D2HGDH: variants seen among roughly 807,000 people sequenced by gnomAD.
D2HGDH encodes D-2-hydroxyglutarate dehydrogenase, also known as D-2-hydroxyglutarate dehydrogenase, mitochondrial.
D2HGDH carries 31 observed loss-of-function variants against 46.9 expected under a neutral mutation model. The observed-to-expected ratio is 0.66, with a 90% CI of 0.50 to 0.89. D2HGDH has a LOEUF of 0.89. Among genes scored for constraint, D2HGDH ranks in the 40% least tolerant of loss-of-function variants. The probability of loss-of-function intolerance (pLI) is 0.00; values close to 1 mark genes in which losing one functional copy is unlikely to be tolerated. For synonymous variants in D2HGDH, 364 were observed against 332.6 expected, an observed-to-expected ratio of 1.09 and a Z score of -1.03; for missense variants, 698 against 720.8, an observed-to-expected ratio of 0.97 and a Z score of 0.36.
At chr2:241,735,539 C>CGGCG in intron 2 of D2HGDH, 23 bp downstream of exon 2, 1 of 1,600,360 alleles carries the variant, frequency 6.2e-7, no homozygotes, top group Non-Finnish European at 8.5e-7. Context: ...TGGGAAGCTG[C>CGGCG]GGCGTTTCCG....
At chr2:241,752,911 A>C (rs1575296912) in intron 8 of D2HGDH, among the ~76,000 whole-genome samples, 1 of 49,742 alleles carries the variant, frequency 2.0e-5, no homozygotes, top group African/African-American at 7.9e-5. Context: ...CCATGCCCCC[A>C]GCCTCTGCAC....
In D2HGDH at chr2:241,735,353, C is replaced by G. The variant is rs754181299; in HGVS notation, c.129C>G (p.Pro43=). ...RRGCCSAPGT[P]EVPLTRERYP... Reference sequence around the variant, plus strand: ...GCTGCTGCTCCGCCCCGGGGACCCCCGAGGTGCCGCTGACCCGGGAGCGCT... The same window carrying G: ...GCTGCTGCTCCGCCCCGGGGACCCCGGAGGTGCCGCTGACCCGGGAGCGCT... The change falls in exon 2 of 10, where the codon CCC becomes CCG. Residue 43 remains proline, a synonymous_variant. Transcript: ENST00000321264. The G allele has an allele frequency of 1.3e-6, 2 of 1,560,938 alleles. No individual in the cohort carries two copies. Among genetic ancestry groups the G allele is most frequent in the Non-Finnish European group, 8.6e-7 (1 of 1,157,322 alleles).
chr2:241,753,469 G>A (rs182433875), intron 8 of D2HGDH, among the ~76,000 whole-genome samples: 1 of 152,176 alleles, frequency 6.6e-6, no homozygotes, highest in African/African-American at 2.4e-5. Flanking sequence ...CTGTTGTCCG[G>A]TGTTGGCGAG....
intron 2 of D2HGDH, among the ~76,000 whole-genome samples, chr2:241,738,868 G>A (rs1559345718): frequency 6.6e-6 from 1 of 152,242 alleles, no homozygotes; most frequent in African/African-American, 2.4e-5. Context: ...GTTTGCTGAT[G>A]TGAGGCTTAG....
intron 8 of D2HGDH, among the ~76,000 whole-genome samples, chr2:241,752,032 G>C (rs1041476037): frequency 6.7e-6 from 1 of 149,978 alleles, no homozygotes; most frequent in Non-Finnish European, 1.5e-5. Flanking sequence ...ACCGGGACCT[G>C]GGTGGGAGGA....
At chr2:241,767,689 C>A in intron 9 of D2HGDH, 21 bp from the exon 10 acceptor site, 1 of 1,612,302 alleles carries the variant, frequency 6.2e-7, no homozygotes, top group South Asian at 1.1e-5. Context: ...CAGCCTGACC[C>A]ATGTGCCCTT....
intron 6 of D2HGDH, chr2:241,749,443 C>T (rs921400982): frequency 1.1e-5 from 13 of 1,131,600 alleles, no homozygotes; most frequent in African/African-American, 1.6e-5. Context: ...TGGGGCTGCC[C>T]GCCTGCAGAC....
intron 2 of D2HGDH, among the ~76,000 whole-genome samples, chr2:241,738,991 T>C (rs966897686): frequency 1.3e-5 from 2 of 152,226 alleles, no homozygotes; most frequent in African/African-American, 4.8e-5. Context: ...GACCATTTGC[T>C]CAGGATGGAT....
chr2:241,735,211 C>T lies in D2HGDH; in HGVS notation c.-14C>T. On this transcript the variant is annotated 5_prime_UTR_variant, in exon 2 of 10. Coordinates refer to ENST00000321264, the MANE Select transcript of D2HGDH (RefSeq NM_152783.5). Reference sequence around the variant, plus strand: ...CCCACCAAGGAGGAGCCCGAGGTCTCCGTCCCGGCGGCGATGCTGCCCCGT... The same window carrying T: ...CCCACCAAGGAGGAGCCCGAGGTCTTCGTCCCGGCGGCGATGCTGCCCCGT... The T allele has an allele frequency of 1.3e-6, 2 of 1,507,092 alleles. No individual in the cohort carries two copies. Among genetic ancestry groups the T allele is most frequent in the Non-Finnish European group, 1.8e-6 (2 of 1,136,284 alleles). 93.4% of individuals were successfully genotyped at this position (1,507,092 alleles called of 1,614,324 possible).
chr2:241,750,710 C>A (rs1697025743), intron 7 of D2HGDH, among the ~76,000 whole-genome samples: 1 of 152,186 alleles, frequency 6.6e-6, no homozygotes, highest in African/African-American at 2.4e-5. Flanking sequence ...GAGTTTCGCA[C>A]TGTGGCCCAG....
At chr2:241,761,867 T>G (rs1362697397) in intron 9 of D2HGDH, among the ~76,000 whole-genome samples, 1 of 152,070 alleles carries the variant, frequency 6.6e-6, no homozygotes, top group Non-Finnish European at 1.5e-5. Context: ...TCTGGAAATG[T>G]ACTGATTTAG....
intron 5 of D2HGDH, among the ~76,000 whole-genome samples, 194 bp from the exon 6 acceptor site, chr2:241,744,515 C>T (rs770222025): frequency 5.9e-5 from 9 of 152,212 alleles, no homozygotes; most frequent in Non-Finnish European, 1.0e-4. Context: ...TCCCCACTGC[C>T]CCCGACCCCG....
At chr2:241,760,188 A>G (rs1698636729) in intron 9 of D2HGDH, among the ~76,000 whole-genome samples, 3 of 65,620 alleles carry the variant, frequency 4.6e-5, no homozygotes, top group Admixed American at 1.4e-4. Context: ...GGTGGGCCTT[A>G]CCCAATCAGT....
At chr2:241,752,670 C>T (rs1181419034) in intron 8 of D2HGDH, among the ~76,000 whole-genome samples, 3 of 152,000 alleles carry the variant, frequency 2.0e-5, no homozygotes, top group Non-Finnish European at 2.9e-5. Context: ...TGAGATGGGG[C>T]GGGAACGTGA....
intron 8 of D2HGDH, chr2:241,754,805 G>T: frequency 6.7e-6 from 2 of 298,412 alleles, no homozygotes; most frequent in Non-Finnish European, 1.3e-5. Context: ...GTCTCCCTGT[G>T]TGGCTCAGGC....
At chr2:241,749,368 C>G (rs1696691652) in intron 6 of D2HGDH, 1 of 1,283,366 alleles carries the variant, frequency 7.8e-7, no homozygotes. Flanking sequence ...ATCCACATGC[C>G]TTTGCATTGC....
chr2:241,738,173 A>G (rs1693455885), intron 2 of D2HGDH, among the ~76,000 whole-genome samples: 1 of 152,144 alleles, frequency 6.6e-6, no homozygotes, highest in Non-Finnish European at 1.5e-5. Context: ...CCTGCTCCCG[A>G]AGTAAGGACC....
At chr2:241,755,199 C>A (rs868047433) in intron 8 of D2HGDH, 1 of 1,294,230 alleles carries the variant, frequency 7.7e-7, no homozygotes, top group Non-Finnish European at 1.0e-6. Flanking sequence ...CGCCGTGTCC[C>A]TCCTCCTCCA....
At position 241,735,131 on chromosome 2, in the gene D2HGDH, A is replaced by T. The variant is rs1559333243; in HGVS notation, c.-92-2A>T. ...CATGAAATTACCCTTGGCCACTTCCAGGCGCGCAGCCAGCGGCTCCCTGCC... is the reference window on the plus strand; with the variant it reads ...CATGAAATTACCCTTGGCCACTTCCTGGCGCGCAGCCAGCGGCTCCCTGCC... On this transcript the variant is annotated splice_acceptor_variant, in intron 1 of 9. Coordinates refer to ENST00000321264, the MANE Select transcript of D2HGDH (RefSeq NM_152783.5). LOFTEE classifies it low-confidence loss of function (5UTR_SPLICE). 5 of 1,326,892 alleles carry T rather than the reference A, an allele frequency of 3.8e-6. No individual in the cohort carries two copies. In the East Asian group the frequency reaches 1.4e-4, roughly 38 times the overall value. The allele number at this position is 1,326,892 out of a possible 1,614,324, so 82.2% of individuals were successfully genotyped here.
Sources: allele counts gnomAD v4.1 joint callset (sites outside exome capture counted in the v4.1 genomes callset), GRCh38; gene constraint gnomAD v4.1.1; transcripts MANE v1.5; gene names NCBI Gene and HGNC (gene_info 2026-07-23, HGNC 2026-07-21).